RGS3: variants seen among roughly 807,000 people sequenced by gnomAD.
The protein encoded by RGS3 is regulator of G-protein signalling 3.
Under a neutral mutation model 132.6 loss-of-function variants are expected in RGS3, and 80 were observed. The ratio of observed to expected loss-of-function variants is 0.60; its 90% confidence interval spans 0.50 to 0.73. The LOEUF (loss-of-function observed/expected upper bound fraction) is 0.73, where lower values mean the gene tolerates loss of function less well. RGS3 is among the 30% of genes least tolerant of loss of function. RGS3 has a pLI of 0.00. For missense variants in RGS3, 1,382 were observed against 1,530.8 expected (o/e 0.90, Z 1.62); for synonymous variants, 598 against 620.6 (o/e 0.96, Z 0.54).
At chr9:113,497,520 C>T in intron 9 of RGS3, 116 bp downstream of exon 7, 6 of 846,606 alleles carry the variant, frequency 7.1e-6, no homozygotes, top group South Asian at 6.5e-5. Flanking sequence ...TGCTATCAGC[C>T]TGCTGGGTGC....
intron 14 of RGS3, among the ~76,000 whole-genome samples, chr9:113,509,677 GC>G (rs1379583997): frequency 6.6e-6 from 1 of 152,068 alleles, no homozygotes. Flanking sequence ...CTTGACAGTG[GC>G]TTTTGCTTAG....
At position 113,591,440 on chromosome 9, in the gene RGS3, C is replaced by T. The variant is rs1835420715; in HGVS notation, c.3080+43C>T. ...CTGGCTTCTGCGCTCCTCTTCCTCC[C>T]TTGCCCCAGGGCTTGTCTCTCCTCT... On this transcript the variant is annotated intron_variant, in intron 21 of 24. Transcript: ENST00000350696. The surrounding 1 kb of genome is among the most constrained non-coding windows in gnomAD (Gnocchi z 4.4). 2 of 1,569,246 alleles carry T rather than the reference C, an allele frequency of 1.3e-6. No homozygotes were observed. The highest frequency in any genetic ancestry group is 1.8e-6 in the Non-Finnish European group (2 of 1,140,050).
At chr9:113,523,141 C>T (rs1832039055) in intron 17 of RGS3, 100 bp downstream of exon 15, 7 of 768,722 alleles carry the variant, frequency 9.1e-6, no homozygotes, top group South Asian at 4.3e-5. Context: ...ATCCGTAGGG[C>T]ACTGGAGTGT....
exon 20 of RGS3, chr9:113,584,224 C>G: frequency 6.2e-7 from 1 of 1,610,176 alleles, no homozygotes; most frequent in Non-Finnish European, 8.5e-7. Context: ...GAACTCGCTG[C>G]GGCGCCGGAC....
intron 1 of RGS3, among the ~76,000 whole-genome samples, chr9:113,447,575 C>T (rs1364718559): frequency 1.3e-5 from 2 of 151,334 alleles, no homozygotes; most frequent in Non-Finnish European, 2.9e-5. Flanking sequence ...TCTTCTCTGC[C>T]TCTCATTCAT....
At chr9:113,552,799 T>G (rs1833392627) in intron 19 of RGS3, among the ~76,000 whole-genome samples, 1 of 152,230 alleles carries the variant, frequency 6.6e-6, no homozygotes, top group South Asian at 2.1e-4. Flanking sequence ...TTTTAAGATT[T>G]CCCAAAGTTT....
chr9:113,560,797 C>G (rs901898672), intron 19 of RGS3, among the ~76,000 whole-genome samples: 10 of 152,150 alleles, frequency 6.6e-5, no homozygotes, highest in Non-Finnish European at 1.0e-4. Context: ...ACAGACACTT[C>G]CATAGAGTTT....
intron 19 of RGS3, among the ~76,000 whole-genome samples, chr9:113,564,415 G>T (rs1833906942): frequency 6.6e-6 from 1 of 152,226 alleles, no homozygotes; most frequent in Non-Finnish European, 1.5e-5. Flanking sequence ...CCAGCTCAGA[G>T]AATCCTCTAT....
chr9:113,472,515 A>G (rs997723856), intron 3 of RGS3, among the ~76,000 whole-genome samples: 3 of 152,224 alleles, frequency 2.0e-5, no homozygotes, highest in South Asian at 2.1e-4. Context: ...AAAGAAGTCA[A>G]TCACAAAAGA....
intron 17 of RGS3, among the ~76,000 whole-genome samples, chr9:113,526,318 T>C (rs4548257): frequency 0.92 from 140,502 of 152,272 alleles, 64,971 homozygotes; most frequent in East Asian, 0.98. Flanking sequence ...TTTCTGAGCA[T>C]GTCCTCAGAA....
At position 113,483,370 on chromosome 9, in the gene RGS3, A is replaced by C. The variant is rs528731133; in HGVS notation, c.525+253A>C. 3.3e-5 allele frequency among the ~76,000 whole-genome samples: 5 copies of C among 152,328 alleles called. No individual in the cohort carries two copies. The East Asian group carries it at 9.6e-4, about 29-fold the overall frequency. ...ATCTTGGTCATCTATATAGGTGGGC[A>C]GTGAGTATGTGGATGGCTGAAATCC... is the stretch of plus-strand genomic sequence containing the variant. On this transcript the variant is annotated intron_variant, in intron 5 of 24. Coordinates refer to ENST00000350696, the Ensembl canonical transcript of RGS3.
intron 19 of RGS3, among the ~76,000 whole-genome samples, chr9:113,538,431 T>G (rs889667336): frequency 6.6e-6 from 1 of 152,206 alleles, no homozygotes. Context: ...ATGCCCCAGT[T>G]TTTTTTCCTT....
At position 113,537,534 on chromosome 9, in the gene RGS3, C is replaced by T. The variant is rs1447656454; in HGVS notation, c.2037+616C>T. Among the ~76,000 whole-genome samples, 1 of 152,176 alleles carries T rather than the reference C, an allele frequency of 6.6e-6. No homozygotes were observed. The highest frequency in any genetic ancestry group is 1.5e-5 in the Non-Finnish European group (1 of 68,032). On this transcript the variant is annotated intron_variant, in intron 19 of 24. Transcript: ENST00000350696. The surrounding 1 kb of genome is among the most constrained non-coding windows in gnomAD (Gnocchi z 4.3). ...TGGGATAGGAGCTGGACCACACAGC[C>T]TTCCCCTTTGACACTCCGATGCCAG...
At chr9:113,576,146 G>A (rs1391594487) in intron 19 of RGS3, among the ~76,000 whole-genome samples, 1 of 151,792 alleles carries the variant, frequency 6.6e-6, no homozygotes, top group East Asian at 2.0e-4. Context: ...CTTGCAATGA[G>A]CTGAGATCAC....
chr9:113,522,956 G>T (rs1293180904), exon 17 of RGS3: 3 of 1,613,842 alleles, frequency 1.9e-6, no homozygotes, highest in Non-Finnish European at 2.5e-6. Context: ...ATTCGGACCT[G>T]CTGCTCTTCA....
At chr9:113,581,936 A>T in intron 19 of RGS3, 1 of 725,870 alleles carries the variant, frequency 1.4e-6, no homozygotes, top group Non-Finnish European at 1.7e-6. Flanking sequence ...AGATCACGCT[A>T]GAGTCCTCCA....
intron 16 of RGS3, among the ~76,000 whole-genome samples, chr9:113,518,880 G>A (rs1001808194): frequency 6.6e-6 from 1 of 152,128 alleles, no homozygotes; most frequent in African/African-American, 2.4e-5. Context: ...GAGTGTGGTG[G>A]ACCTAAGTCT....
At chr9:113,462,972 A>G (rs1051852193) in intron 3 of RGS3, among the ~76,000 whole-genome samples, 1 of 152,254 alleles carries the variant, frequency 6.6e-6, no homozygotes, top group Non-Finnish European at 1.5e-5. Flanking sequence ...GGTGTCCTGT[A>G]AATGTTTGCT....
intron 17 of RGS3, among the ~76,000 whole-genome samples, chr9:113,528,334 G>T (rs913129664): frequency 1.2e-4 from 18 of 152,196 alleles, no homozygotes; most frequent in Non-Finnish European, 2.2e-4. Flanking sequence ...AGGAGTGGCT[G>T]CAGTGGGCAG....
Sources: allele counts gnomAD v4.1 joint callset (sites outside exome capture counted in the v4.1 genomes callset), GRCh38; gene constraint gnomAD v4.1.1; non-coding constraint Gnocchi (gnomAD v3.1); transcripts MANE v1.5; gene names NCBI Gene and HGNC (gene_info 2026-07-23, HGNC 2026-07-21).